PTGFRN: variants seen among roughly 807,000 people sequenced by gnomAD.
The protein encoded by PTGFRN is prostaglandin F2 receptor inhibitor, also known as prostaglandin F2 receptor negative regulator.
In PTGFRN, 35 loss-of-function variants were observed where a neutral mutation model predicts 83.2. The ratio of observed to expected loss-of-function variants is 0.42; its 90% confidence interval spans 0.32 to 0.56. The LOEUF (loss-of-function observed/expected upper bound fraction) is 0.56, where lower values mean the gene tolerates loss of function less well. Among genes scored for constraint, PTGFRN ranks in the 20% least tolerant of loss-of-function variants. The pLI is 0.11. For synonymous variants in PTGFRN, 519 were observed against 498.6 expected (o/e 1.04, Z -0.55); for missense variants, 1,051 against 1,179.5 (o/e 0.89, Z 1.60).
chr1:116,943,528 G>A (rs1650110248), intron 2 of PTGFRN, among the ~76,000 whole-genome samples: 1 of 152,182 alleles, frequency 6.6e-6, no homozygotes, highest in Non-Finnish European at 1.5e-5. Flanking sequence ...ATGACCATGA[G>A]AGAGACTGAC....
intron 4 of PTGFRN, among the ~76,000 whole-genome samples, chr1:116,957,778 T>A (rs1570666330): frequency 6.6e-6 from 1 of 152,096 alleles, no homozygotes; most frequent in Non-Finnish European, 1.5e-5. Flanking sequence ...CCCCTCTCCA[T>A]CCCCCAGCCT....
At chr1:116,951,033 T>A (rs938869542) in intron 4 of PTGFRN, among the ~76,000 whole-genome samples, 1 of 152,142 alleles carries the variant, frequency 6.6e-6, no homozygotes, top group East Asian at 1.9e-4. Flanking sequence ...TGATCCTTAG[T>A]GTATTGTATG....
chr1:116,923,229 C>T lies in PTGFRN; in HGVS notation c.49+12977C>T, dbSNP rs992024511. 3.3e-5 allele frequency among the ~76,000 whole-genome samples: 5 copies of T among 152,164 alleles called. No homozygotes were observed. The highest frequency in any genetic ancestry group is 1.2e-4 in the African/African-American group (5 of 41,428). ...TTAATGTATGTGCTTAGAAAAATGC[C>T]TATAAGGTGTGTATATTATATATAT... On this transcript the variant is annotated intron_variant, in intron 1 of 8. Transcript: ENST00000393203. The surrounding 1 kb of genome is among the most constrained non-coding windows in gnomAD (Gnocchi z 4.0).
At chr1:116,977,959 AATAG>A (rs1157589688) in intron 7 of PTGFRN, among the ~76,000 whole-genome samples, 19 of 152,376 alleles carry the variant, frequency 1.2e-4, no homozygotes, top group South Asian at 8.3e-4. Flanking sequence ...AGATCAACAA[AATAG>A]ATAGACCACT....
rs978756650 is a variant in PTGFRN at position 116,910,380 on chromosome 1, C to T, written c.49+128C>T. 2.0e-5 allele frequency: 16 copies of T among 817,276 alleles called. No individual in the cohort carries two copies. The African/African-American group carries it at 2.9e-4, about 15-fold the overall frequency. The allele number at this position is 817,276 out of a possible 1,614,324, so 50.6% of individuals were successfully genotyped here. On this transcript the variant is annotated intron_variant, in intron 1 of 8. Coordinates refer to ENST00000393203, the MANE Select transcript of PTGFRN (RefSeq NM_020440.4). ...CCGGGCTGCTCCCGGGAAACCCGGCCGGGGTGCGCGGGTTGTTCGGCCCGG... is the reference window on the plus strand; with the variant it reads ...CCGGGCTGCTCCCGGGAAACCCGGCTGGGGTGCGCGGGTTGTTCGGCCCGG...
intron 1 of PTGFRN, among the ~76,000 whole-genome samples, chr1:116,912,597 G>A (rs890209549): frequency 2.0e-5 from 3 of 152,076 alleles, no homozygotes; most frequent in Admixed American, 6.5e-5. Flanking sequence ...GGTCCTGATT[G>A]TTTCCCACAC....
At chr1:116,965,951 T>G (rs771515641) in intron 5 of PTGFRN, among the ~76,000 whole-genome samples, 1 of 152,216 alleles carries the variant, frequency 6.6e-6, no homozygotes, top group Non-Finnish European at 1.5e-5. Flanking sequence ...CAGCAGTCAG[T>G]GGTTCTGGAG....
At chr1:116,922,920 T>A (rs964103095) in intron 1 of PTGFRN, among the ~76,000 whole-genome samples, 3 of 152,224 alleles carry the variant, frequency 2.0e-5, no homozygotes, top group Non-Finnish European at 2.9e-5. Flanking sequence ...TTTCCAGTTA[T>A]TTGATTCTTT....
At chr1:116,938,484 A>G (rs1418807494) in intron 1 of PTGFRN, among the ~76,000 whole-genome samples, 1 of 152,130 alleles carries the variant, frequency 6.6e-6, no homozygotes, top group Non-Finnish European at 1.5e-5. Flanking sequence ...TCCCCTTTTT[A>G]TAACCATCAG....
intron 1 of PTGFRN, among the ~76,000 whole-genome samples, chr1:116,930,371 T>C (rs1316562518): frequency 6.6e-6 from 1 of 152,190 alleles, no homozygotes; most frequent in Non-Finnish European, 1.5e-5. Context: ...CCATTCCCTC[T>C]TTTCTATACA....
At chr1:116,983,742 CTT>C (rs2101092261) in intron 7 of PTGFRN, among the ~76,000 whole-genome samples, 1 of 152,202 alleles carries the variant, frequency 6.6e-6, no homozygotes, top group South Asian at 2.1e-4. Flanking sequence ...AATGTTATCT[CTT>C]GTTCGGCAAA....
intron 8 of PTGFRN, among the ~76,000 whole-genome samples, chr1:116,986,458 A>G (rs993572334): frequency 6.6e-6 from 1 of 152,180 alleles, no homozygotes; most frequent in Non-Finnish European, 1.5e-5. Flanking sequence ...TTTTTTAAGG[A>G]TGCATCTGCT....
chr1:116,964,776 C>T (rs1650777917), intron 5 of PTGFRN, among the ~76,000 whole-genome samples: 2 of 152,242 alleles, frequency 1.3e-5, no homozygotes, highest in African/African-American at 4.8e-5. Context: ...TTCTCCAGCA[C>T]CATTGTTCTA....
At chr1:116,982,583 G>A (rs1161920746) in intron 7 of PTGFRN, among the ~76,000 whole-genome samples, 8 of 152,058 alleles carry the variant, frequency 5.3e-5, no homozygotes, top group Non-Finnish European at 1.0e-4. Context: ...GCACGCGAGT[G>A]ATGGATTGAG....
chr1:116,990,134 T>A lies in PTGFRN; in HGVS notation c.*3167T>A, dbSNP rs2101097760. The A allele has an allele frequency of 6.5e-6, 1 of 152,820 alleles. No individual in the cohort carries two copies. The highest frequency in any genetic ancestry group is 2.1e-4 in the South Asian group (1 of 4,828). The allele number at this position is 152,820 out of a possible 1,614,324, so 9.5% of individuals were successfully genotyped here. A position where few individuals can be genotyped will look rare whatever the true frequency, so the allele number is the denominator to read the frequency against. The stretch of plus-strand genomic sequence containing the variant: ...CACTGTTTGACCAAATTCTCAGTGA[T>A]AAATATGTGTGCAGATCCCTAGAAG... On this transcript the variant is annotated 3_prime_UTR_variant, in exon 9 of 9. Coordinates refer to ENST00000393203, the MANE Select transcript of PTGFRN (RefSeq NM_020440.4).
Position 116,984,829 on chromosome 1 carries a change from G to A in PTGFRN, c.2317G>A (p.Val773Met). Residue 773 changes from valine (V) to methionine (M), a missense_variant, in exon 8 of 9, where the codon GTG becomes ATG. Around this residue, in one of 3 missense-constraint regions of PTGFRN, gnomAD observed 719 missense variants for 836.6 expected, o/e 0.86. Coordinates refer to ENST00000393203, the MANE Select transcript of PTGFRN (RefSeq NM_020440.4). ...KSDLSLERVS[V>M]LEFLLQVHGS... is the part of the protein sequence containing the mutation. The stretch of plus-strand genomic sequence containing the variant: ...CGACCTCAGCCTGGAGCGCGTGAGT[G>A]TGCTGGAATTCTTGCTGCAAGTGCA... 1 of 1,614,076 alleles carries A rather than the reference G, an allele frequency of 6.2e-7. No individual in the cohort carries two copies. Among genetic ancestry groups the A allele is most frequent in the Non-Finnish European group, 8.5e-7 (1 of 1,180,014 alleles).
At chr1:116,966,853 G>C (rs1046502774) in intron 5 of PTGFRN, 58 bp from the exon 6 acceptor site, 9 of 1,501,960 alleles carry the variant, frequency 6.0e-6, no homozygotes, top group Non-Finnish European at 8.0e-6. Flanking sequence ...GCTTTTAGTT[G>C]CATTTTTATT....
chr1:116,938,645 C>T (rs1039831621), intron 1 of PTGFRN, among the ~76,000 whole-genome samples: 2 of 152,306 alleles, frequency 1.3e-5, no homozygotes, highest in African/African-American at 2.4e-5. Context: ...AATTCTGCCC[C>T]TGGCTCCTCC....
At chr1:116,947,934 C>G (rs1221633324) in intron 3 of PTGFRN, among the ~76,000 whole-genome samples, 1 of 152,222 alleles carries the variant, frequency 6.6e-6, no homozygotes, top group African/African-American at 2.4e-5. Flanking sequence ...ACCTTATTTT[C>G]TGTCTTCTGT....
Sources: allele counts gnomAD v4.1 joint callset (sites outside exome capture counted in the v4.1 genomes callset), GRCh38; gene constraint gnomAD v4.1.1; regional missense constraint gnomAD v4.1.1; non-coding constraint Gnocchi (gnomAD v3.1); transcripts MANE v1.5; gene names NCBI Gene and HGNC (gene_info 2026-07-23, HGNC 2026-07-21).